SMOC2: variants seen among roughly 807,000 people sequenced by gnomAD.
SMOC2 encodes the protein SPARC-related modular calcium-binding protein 2.
In SMOC2, 39 loss-of-function variants were observed where a neutral mutation model predicts 61.4. The observed-to-expected ratio is 0.64, with a 90% CI of 0.49 to 0.83. The LOEUF is 0.83. SMOC2 is among the 40% of genes least tolerant of loss of function. SMOC2 has a pLI of 0.00. For synonymous variants in SMOC2, 247 were observed against 239.9 expected, an observed-to-expected ratio of 1.03 and a Z score of -0.27; for missense variants, 556 against 592.9, an observed-to-expected ratio of 0.94 and a Z score of 0.65.
intron 1 of SMOC2, among the ~76,000 whole-genome samples, chr6:168,502,636 A>G (rs1782757872): frequency 6.6e-6 from 1 of 152,192 alleles, no homozygotes; most frequent in Admixed American, 6.5e-5. Context: ...TAACTCACTG[A>G]GTTATTTCAC....
rs1258713122 is a variant in SMOC2, at chr6:168,452,586, CAAT to C, written c.84+11135_84+11137del. ...CATGAGGGATTTTAACCCAAAAGAA[CAAT>C]AAGTGCAGCAAATCAAAATTTCTGT... On this transcript the variant is annotated intron_variant, in intron 1 of 12. Coordinates refer to ENST00000356284, the MANE Select transcript of SMOC2 (RefSeq NM_001166412.2). This position sits in a 1 kb window ranked among gnomAD's most constrained non-coding sequence, Gnocchi z 5.0. 1.3e-5 allele frequency among the ~76,000 whole-genome samples: 2 copies of C among 152,278 alleles called. No individual in the cohort carries two copies. Among genetic ancestry groups the C allele is most frequent in the East Asian group, 3.9e-4 (2 of 5,192 alleles).
intron 4 of SMOC2, among the ~76,000 whole-genome samples, chr6:168,533,304 A>G (rs1248439184): frequency 6.6e-6 from 1 of 152,060 alleles, no homozygotes; most frequent in Non-Finnish European, 1.5e-5. Flanking sequence ...TCAGTACATG[A>G]TATACATTTA....
intron 2 of SMOC2, among the ~76,000 whole-genome samples, chr6:168,512,032 A>G (rs774276975): frequency 7.9e-5 from 12 of 151,982 alleles, no homozygotes; most frequent in Non-Finnish European, 1.6e-4. Context: ...TGTCGGTCAG[A>G]TGCTGTTTCT....
intron 6 of SMOC2, among the ~76,000 whole-genome samples, chr6:168,548,796 T>C (rs1404698508): frequency 1.3e-5 from 2 of 152,246 alleles, no homozygotes; most frequent in Admixed American, 6.5e-5. Context: ...TTGTATGTTA[T>C]GTGAATAGCC....
intron 7 of SMOC2, among the ~76,000 whole-genome samples, chr6:168,558,175 C>A (rs542809366): frequency 6.6e-6 from 1 of 152,340 alleles, no homozygotes; most frequent in African/African-American, 2.4e-5. Context: ...AAGTGAGAAC[C>A]AGGAGAGCGG....
chr6:168,442,344 C>G (rs956239098), intron 1 of SMOC2, among the ~76,000 whole-genome samples: 2 of 152,244 alleles, frequency 1.3e-5, no homozygotes, highest in African/African-American at 2.4e-5. Context: ...CGGTGTCAAA[C>G]GAGGAGCTAT....
chr6:168,457,227 C>G (rs180926965), intron 1 of SMOC2, among the ~76,000 whole-genome samples: 1 of 152,294 alleles, frequency 6.6e-6, no homozygotes, highest in Admixed American at 6.5e-5. Context: ...TAGACACTTT[C>G]AATAAAAACA....
intron 9 of SMOC2, among the ~76,000 whole-genome samples, chr6:168,635,301 T>C (rs939418981): frequency 6.6e-6 from 1 of 152,174 alleles, no homozygotes; most frequent in Non-Finnish European, 1.5e-5. Context: ...TGTGGAGGTT[T>C]AACATGTACT....
intron 9 of SMOC2, among the ~76,000 whole-genome samples, chr6:168,626,211 C>T (rs1786404489): frequency 1.3e-5 from 2 of 152,304 alleles, no homozygotes; most frequent in African/African-American, 4.8e-5. Context: ...CGAGACAGAC[C>T]TGTCTCACTC....
intron 2 of SMOC2, among the ~76,000 whole-genome samples, chr6:168,525,600 G>A (rs1783434679): frequency 6.6e-6 from 1 of 152,224 alleles, no homozygotes; most frequent in South Asian, 2.1e-4. Flanking sequence ...AGTAGTAGCA[G>A]TGACGTTGCG....
intron 4 of SMOC2, among the ~76,000 whole-genome samples, chr6:168,533,480 C>T (rs1783659234): frequency 6.6e-6 from 1 of 152,204 alleles, no homozygotes; most frequent in Non-Finnish European, 1.5e-5. Flanking sequence ...ATTTCCCTGG[C>T]ACTAAGTTAA....
At chr6:168,552,276 C>T (rs1052607121) in intron 7 of SMOC2, among the ~76,000 whole-genome samples, 1 of 152,104 alleles carries the variant, frequency 6.6e-6, no homozygotes, top group Non-Finnish European at 1.5e-5. Flanking sequence ...AGAAGAGTGT[C>T]ATTTATACTT....
intron 8 of SMOC2, among the ~76,000 whole-genome samples, chr6:168,602,906 T>C (rs1047720371): frequency 4.6e-5 from 7 of 151,744 alleles, no homozygotes; most frequent in Non-Finnish European, 1.0e-4. Flanking sequence ...GAGAGATGAG[T>C]GTGGTGTGTT....
chr6:168,580,347 G>A (rs891093884), intron 7 of SMOC2, among the ~76,000 whole-genome samples: 1 of 152,124 alleles, frequency 6.6e-6, no homozygotes, highest in Non-Finnish European at 1.5e-5. Context: ...CCTTTTCACG[G>A]GTATTCCTGG....
rs532123465 is a variant in SMOC2, at chr6:168,600,537, C to T, written c.824+1533C>T. Among the ~76,000 whole-genome samples the T allele has an allele frequency of 1.2e-4, 18 of 152,186 alleles. No homozygotes were observed. The South Asian group carries it at 1.9e-3, about 16-fold the overall frequency. ...GGCAGCTGGGAAGCAGCAGTAGCTT[C>T]GCCTTCACAGGCAGCGCTGGCTCTT... On this transcript the variant is annotated intron_variant, in intron 8 of 12. Coordinates refer to ENST00000356284, the MANE Select transcript of SMOC2 (RefSeq NM_001166412.2).
At chr6:168,614,259 C>T (rs1785984987) in intron 9 of SMOC2, among the ~76,000 whole-genome samples, 2 of 72,302 alleles carry the variant, frequency 2.8e-5, no homozygotes, top group African/African-American at 5.8e-5. Context: ...ACAGCCAGCA[C>T]AGGGCCTCTT....
At chr6:168,570,797 G>C (rs1005770193) in intron 7 of SMOC2, among the ~76,000 whole-genome samples, 9 of 152,220 alleles carry the variant, frequency 5.9e-5, no homozygotes, top group African/African-American at 1.9e-4. Context: ...GTGATGGATG[G>C]AAAAGGTAGA....
chr6:168,559,205 C>G (rs1784332932), intron 7 of SMOC2, among the ~76,000 whole-genome samples: 1 of 152,114 alleles, frequency 6.6e-6, no homozygotes, highest in East Asian at 1.9e-4. Flanking sequence ...CCTGTAATCC[C>G]AGCACTTTGG....
chr6:168,481,151 A>G (rs560204951), intron 1 of SMOC2, among the ~76,000 whole-genome samples: 1 of 152,308 alleles, frequency 6.6e-6, no homozygotes, highest in Non-Finnish European at 1.5e-5. Context: ...AGAAATAAAG[A>G]TCTCAGCAAA....
Sources: gnomAD v4.1 joint callset for allele counts (sites outside exome capture counted in the v4.1 genomes callset) on GRCh38, gnomAD v4.1.1 for gene constraint, Gnocchi (gnomAD v3.1) non-coding constraint, MANE v1.5 for transcripts, NCBI Gene and HGNC (gene_info 2026-07-23, HGNC 2026-07-21) for gene names.